MYLK: variants seen among roughly 807,000 people sequenced by gnomAD.
The protein encoded by MYLK is myosin light chain kinase, smooth muscle.
In MYLK, 106 loss-of-function variants were observed where a neutral mutation model predicts 203.4. The ratio of observed to expected loss-of-function variants is 0.52; its 90% confidence interval spans 0.45 to 0.61. MYLK has a LOEUF of 0.61. Ranked by LOEUF, MYLK falls within the 20% of genes least tolerant of loss-of-function variation. MYLK has a pLI of 0.00. For missense variants in MYLK, 2,072 were observed against 2,442.3 expected (o/e 0.85, Z 3.20); for synonymous variants, 867 against 959.5 (o/e 0.90, Z 1.78).
chr3:123,870,777 G>A (rs2032729542), intron 2 of MYLK, among the ~76,000 whole-genome samples: 1 of 152,196 alleles, frequency 6.6e-6, no homozygotes, highest in Non-Finnish European at 1.5e-5. Context: ...TGCTCCAATG[G>A]CAGAGATGAA....
intron 19 of MYLK, among the ~76,000 whole-genome samples, chr3:123,686,555 C>T (rs960562016): frequency 2.0e-5 from 3 of 152,118 alleles, no homozygotes; most frequent in Non-Finnish European, 4.4e-5. Flanking sequence ...TGGCCTCTCT[C>T]TCTGACTGAG....
chr3:123,853,870 T>G (rs1043876978), intron 2 of MYLK, among the ~76,000 whole-genome samples: 1 of 152,110 alleles, frequency 6.6e-6, no homozygotes, highest in African/African-American at 2.4e-5. Flanking sequence ...GTGGAGTCTA[T>G]TTCTCTCCCC....
intron 4 of MYLK, among the ~76,000 whole-genome samples, chr3:123,757,725 G>C (rs1282330843): frequency 6.6e-6 from 1 of 152,116 alleles, no homozygotes; most frequent in African/African-American, 2.4e-5. Context: ...AGGGATGCTG[G>C]GAAAGGCTGG....
At chr3:123,812,363 C>T (rs1345314461) in intron 3 of MYLK, among the ~76,000 whole-genome samples, 1 of 152,208 alleles carries the variant, frequency 6.6e-6, no homozygotes, top group African/African-American at 2.4e-5. Context: ...CTTTCTCCCC[C>T]ACTGAAAGTC....
intron 22 of MYLK, among the ~76,000 whole-genome samples, 188 bp from the exon 23 acceptor site, chr3:123,664,446 T>C (rs533891520): frequency 1.4e-4 from 21 of 151,424 alleles, no homozygotes; most frequent in African/African-American, 4.8e-4. Context: ...CCAGCTTCCC[T>C]GAGGGTGCCA....
chr3:123,674,766 C>A (rs897206148), intron 20 of MYLK, among the ~76,000 whole-genome samples: 1 of 152,216 alleles, frequency 6.6e-6, no homozygotes, highest in Non-Finnish European at 1.5e-5. Context: ...CATGCTGGGC[C>A]CTCTTCTCTT....
At chr3:123,641,326 C>A (rs1301437051) in intron 27 of MYLK, among the ~76,000 whole-genome samples, 1 of 152,240 alleles carries the variant, frequency 6.6e-6, no homozygotes, top group Non-Finnish European at 1.5e-5. Context: ...TTCCCCTGTC[C>A]TAGCCCTCTG....
chr3:123,630,855 T>G (rs1576367769), intron 29 of MYLK: 1 of 152,230 alleles, frequency 6.6e-6, no homozygotes, highest in East Asian at 1.9e-4. Context: ...ACCTTACCTC[T>G]CACCTCTGTG....
intron 2 of MYLK, among the ~76,000 whole-genome samples, 156 bp from the exon 3 acceptor site, chr3:123,831,826 T>G (rs927611416): frequency 1.3e-5 from 2 of 152,040 alleles, no homozygotes; most frequent in African/African-American, 4.8e-5. Flanking sequence ...TATTACCGTG[T>G]GGGGGGGTTA....
At chr3:123,753,159 G>A (rs986412314) in intron 4 of MYLK, among the ~76,000 whole-genome samples, 6 of 152,220 alleles carry the variant, frequency 3.9e-5, no homozygotes, top group Admixed American at 1.3e-4. Flanking sequence ...GAGTTGCACT[G>A]TAAGTGTGCA....
intron 19 of MYLK, among the ~76,000 whole-genome samples, chr3:123,683,711 T>C (rs745754759): frequency 6.6e-6 from 1 of 152,176 alleles, no homozygotes; most frequent in Middle Eastern, 3.4e-3. Flanking sequence ...CAGACAGGCC[T>C]CCGGGGGCTG....
intron 4 of MYLK, among the ~76,000 whole-genome samples, chr3:123,758,310 C>G (rs1381321884): frequency 2.6e-5 from 4 of 152,196 alleles, no homozygotes; most frequent in Non-Finnish European, 5.9e-5. Flanking sequence ...CAGAACCCAT[C>G]AGGAAGAGAC....
At chr3:123,727,298 G>A (rs1036322580) in intron 11 of MYLK, among the ~76,000 whole-genome samples, 3 of 152,100 alleles carry the variant, frequency 2.0e-5, no homozygotes, top group African/African-American at 7.2e-5. Flanking sequence ...GAAGGTGTGG[G>A]GAGGCACCCT....
intron 20 of MYLK, among the ~76,000 whole-genome samples, chr3:123,680,804 G>A (rs752400535): frequency 1.3e-5 from 2 of 152,270 alleles, no homozygotes; most frequent in East Asian, 1.9e-4. Flanking sequence ...CTATCAGTAC[G>A]GGCAATTAGG....
intron 20 of MYLK, among the ~76,000 whole-genome samples, chr3:123,671,376 A>T (rs969352264): frequency 1.3e-5 from 2 of 152,228 alleles, no homozygotes; most frequent in African/African-American, 4.8e-5. Context: ...GAATGCAATG[A>T]AAGAGGGGCG....
intron 5 of MYLK, among the ~76,000 whole-genome samples, chr3:123,743,374 C>T (rs1037926614): frequency 6.6e-6 from 1 of 152,034 alleles, no homozygotes; most frequent in Non-Finnish European, 1.5e-5. Flanking sequence ...TTGATGGATG[C>T]TTATTTTAAT....
chr3:123,865,219 C>T (rs1212128763), intron 2 of MYLK, among the ~76,000 whole-genome samples: 1 of 152,160 alleles, frequency 6.6e-6, no homozygotes, highest in Non-Finnish European at 1.5e-5. Context: ...GTAACAAGGC[C>T]CTTACATTCT....
chr3:123,772,340 A>G (rs558166587), intron 4 of MYLK, among the ~76,000 whole-genome samples: 2 of 152,270 alleles, frequency 1.3e-5, no homozygotes, highest in South Asian at 4.1e-4. Context: ...TTTAGTATAC[A>G]GTAAAGGTGG....
intron 3 of MYLK, among the ~76,000 whole-genome samples, chr3:123,825,144 CAAAAAAAAAAA>C (rs11419461): frequency 8.6e-6 from 1 of 115,916 alleles, no homozygotes; most frequent in Non-Finnish European, 1.9e-5. Flanking sequence ...CACCCTGTCT[CAAAAAAAAAAA>C]AAAGAAAAAA....
Sources: allele counts gnomAD v4.1 joint callset (sites outside exome capture counted in the v4.1 genomes callset), GRCh38; gene constraint gnomAD v4.1.1; transcripts MANE v1.5; gene names NCBI Gene and HGNC (gene_info 2026-07-23, HGNC 2026-07-21).